DIP2C: variants seen among roughly 807,000 people sequenced by gnomAD.
DIP2C encodes the protein disco-interacting protein 2 homolog C.
A neutral mutation model predicts 192.4 loss-of-function variants in DIP2C; 33 were observed. The observed-to-expected ratio is 0.17, with a 90% CI of 0.13 to 0.23. The LOEUF (loss-of-function observed/expected upper bound fraction) is 0.23, where lower values mean the gene tolerates loss of function less well. DIP2C is among the 10% of genes least tolerant of loss of function. DIP2C has a pLI of 1.00. For synonymous variants in DIP2C, 979 were observed against 864.1 expected (o/e 1.13, Z -2.33); for missense variants, 1,537 against 2,110.1 (o/e 0.73, Z 5.32).
At position 653,866 on chromosome 10, in the gene DIP2C, A is replaced by G. The variant is rs542218298; in HGVS notation, c.85+35628T>C. On this transcript the variant is annotated intron_variant, in intron 1 of 36. Coordinates refer to ENST00000280886, the MANE Select transcript of DIP2C (RefSeq NM_014974.3). ...CAAAGTTCTCTTTGTAACAGACTTG[A>G]GAAAGACACTCAGAAGAGACGCACC... Among the ~76,000 whole-genome samples, 3 of 152,352 alleles carry G rather than the reference A, an allele frequency of 2.0e-5. No homozygotes were observed. In the South Asian group the frequency reaches 6.2e-4, roughly 32 times the overall value.
intron 31 of DIP2C, among the ~76,000 whole-genome samples, chr10:325,289 C>A (rs1243233411): frequency 6.6e-6 from 1 of 151,546 alleles, no homozygotes; most frequent in Non-Finnish European, 1.5e-5. Context: ...AAAAAAAAAA[C>A]ATTTTGGATC....
intron 1 of DIP2C, among the ~76,000 whole-genome samples, chr10:581,834 G>A (rs1046947120): frequency 2.0e-5 from 3 of 152,012 alleles, no homozygotes; most frequent in Non-Finnish European, 2.9e-5. Context: ...ACTGAGGTCC[G>A]AGTCCAAAAA....
intron 1 of DIP2C, among the ~76,000 whole-genome samples, chr10:673,595 G>A (rs1418899410): frequency 2.0e-5 from 3 of 152,110 alleles, no homozygotes; most frequent in African/African-American, 4.8e-5. Context: ...TGCAGAAGAC[G>A]GGGCCATCCA....
intron 4 of DIP2C, among the ~76,000 whole-genome samples, chr10:435,060 A>G (rs977106048): frequency 6.6e-6 from 1 of 152,166 alleles, no homozygotes; most frequent in African/African-American, 2.4e-5. Flanking sequence ...TTCAGCCATT[A>G]ATGTTAAAAA....
At chr10:405,052 G>GT (rs1391665977) in intron 9 of DIP2C, among the ~76,000 whole-genome samples, 1 of 152,230 alleles carries the variant, frequency 6.6e-6, no homozygotes, top group Admixed American at 6.5e-5. Flanking sequence ...AGATGTTGAA[G>GT]TTCCATCCAA....
At chr10:371,654 G>A (rs1242981980) in intron 17 of DIP2C, among the ~76,000 whole-genome samples, 2 of 151,146 alleles carry the variant, frequency 1.3e-5, no homozygotes, top group Admixed American at 6.6e-5. Context: ...GAGGGAGGCT[G>A]GGGTGAGGCC....
At chr10:595,426 GAA>G (rs1851645033) in intron 1 of DIP2C, among the ~76,000 whole-genome samples, 1 of 152,132 alleles carries the variant, frequency 6.6e-6, no homozygotes, top group Non-Finnish European at 1.5e-5. Context: ...AAACCATGAA[GAA>G]AAAGTGAGTA....
At position 283,092 on chromosome 10, in the gene DIP2C, C is replaced by T. The variant is rs141749178; in HGVS notation, c.4294+180G>A. On this transcript the variant is annotated intron_variant, in intron 35 of 36. Coordinates refer to ENST00000280886, the MANE Select transcript of DIP2C (RefSeq NM_014974.3). ...GTGATGCACAGCTCAGCTTGTTGGA[C>T]ACATTTGCATTTTGCTTTCCTCTTG... Among the ~76,000 whole-genome samples the T allele has an allele frequency of 1.1e-3, 169 of 152,344 alleles. 1 individual carries two copies. Among genetic ancestry groups the T allele is most frequent in the African/African-American group, 3.8e-3 (158 of 41,566 alleles).
chr10:630,350 G>A (rs1392559567), intron 1 of DIP2C: 1 of 152,202 alleles, frequency 6.6e-6, no homozygotes, highest in African/African-American at 2.4e-5. Flanking sequence ...TTTAAAAACA[G>A]TTGTAATTAT....
intron 32 of DIP2C, among the ~76,000 whole-genome samples, chr10:291,951 G>C (rs1253215877): frequency 6.6e-6 from 1 of 152,198 alleles, no homozygotes; most frequent in Non-Finnish European, 1.5e-5. Context: ...AGAAATACAG[G>C]CTCAGCCAGG....
intron 1 of DIP2C, among the ~76,000 whole-genome samples, chr10:563,002 G>A (rs1281078181): frequency 6.6e-6 from 1 of 152,242 alleles, no homozygotes; most frequent in Non-Finnish European, 1.5e-5. Flanking sequence ...CCTCCTAGCT[G>A]AGCAGCAGTA....
intron 3 of DIP2C, among the ~76,000 whole-genome samples, chr10:457,248 T>A (rs549328973): frequency 6.6e-6 from 1 of 152,314 alleles, no homozygotes; most frequent in Admixed American, 6.5e-5. Flanking sequence ...TATTATTGTC[T>A]CACTTCTCCC....
At chr10:390,623 C>G (rs976019427) in intron 11 of DIP2C, 117 bp downstream of exon 11, 2 of 1,499,180 alleles carry the variant, frequency 1.3e-6, no homozygotes, top group African/African-American at 1.4e-5. Flanking sequence ...ACTCGTGGGT[C>G]TGTGACTGAC....
intron 3 of DIP2C, among the ~76,000 whole-genome samples, chr10:449,920 C>CAAAAAAAA (rs59135780): frequency 2.9e-5 from 4 of 135,904 alleles, no homozygotes; most frequent in African/African-American, 1.2e-4. Flanking sequence ...TCAACAACAA[C>CAAAAAAAA]AAAAAAAAAA....
chr10:317,782 A>G (rs1268522058), intron 31 of DIP2C, among the ~76,000 whole-genome samples: 1 of 152,232 alleles, frequency 6.6e-6, no homozygotes, highest in Non-Finnish European at 1.5e-5. Flanking sequence ...TGCAGATCCA[A>G]CATGATTATC....
intron 1 of DIP2C, among the ~76,000 whole-genome samples, chr10:566,757 G>A (rs1849489016): frequency 6.6e-6 from 1 of 152,238 alleles, no homozygotes; most frequent in African/African-American, 2.4e-5. Context: ...GCCCACGACT[G>A]CTCAAAGTCA....
chr10:558,358 A>C (rs1849020727), intron 1 of DIP2C, among the ~76,000 whole-genome samples: 1 of 152,210 alleles, frequency 6.6e-6, no homozygotes, highest in African/African-American at 2.4e-5. Flanking sequence ...CATGTGTGTG[A>C]ATAATTTACC....
intron 32 of DIP2C, among the ~76,000 whole-genome samples, chr10:306,573 G>A (rs866508682): frequency 6.6e-6 from 1 of 152,220 alleles, no homozygotes. Flanking sequence ...AGAGCCTAAT[G>A]CAGATCAAGT....
chr10:508,858 T>C (rs1241626903), intron 1 of DIP2C, among the ~76,000 whole-genome samples: 1 of 152,132 alleles, frequency 6.6e-6, no homozygotes, highest in Admixed American at 6.5e-5. Flanking sequence ...AAAAAAGGCA[T>C]CACTCGAAAA....
Sources: allele counts gnomAD v4.1 joint callset (sites outside exome capture counted in the v4.1 genomes callset), GRCh38; gene constraint gnomAD v4.1.1; transcripts MANE v1.5; gene names NCBI Gene and HGNC (gene_info 2026-07-23, HGNC 2026-07-21).